The following FOXP1 variants were observed in gnomAD, a reference collection of about 807,000 sequenced individuals.
The protein encoded by FOXP1 is forkhead box P1.
A neutral mutation model predicts 98.2 loss-of-function variants in FOXP1; 15 were observed. The ratio of observed to expected loss-of-function variants is 0.15; its 90% CI spans 0.10 to 0.24. FOXP1 has a LOEUF of 0.24. Among genes scored for constraint, FOXP1 ranks in the 10% least tolerant of loss-of-function variants. The probability of loss-of-function intolerance (pLI) is 1.00; values close to 1 mark genes in which losing one functional copy is unlikely to be tolerated. For missense variants in FOXP1, 633 were observed against 848.5 expected (o/e 0.75, Z 3.15); for synonymous variants, 371 against 314.5 (o/e 1.18, Z -1.90).
chr3:71,314,363 A>G (rs561065621), intron 4 of FOXP1, among the ~76,000 whole-genome samples: 1 of 152,064 alleles, frequency 6.6e-6, no homozygotes, highest in East Asian at 1.9e-4. Context: ...ACCCATCTCT[A>G]CTAAAAGTAC....
chr3:71,140,103 T>A (rs2059996993), intron 6 of FOXP1, among the ~76,000 whole-genome samples: 1 of 152,210 alleles, frequency 6.6e-6, no homozygotes, highest in African/African-American at 2.4e-5. Flanking sequence ...TACTGTAACT[T>A]TTTTTAAGGT....
At chr3:71,583,477 T>G (rs1184639878) in intron 1 of FOXP1, 94 bp downstream of exon 1, 18 of 982,994 alleles carry the variant, frequency 1.8e-5, no homozygotes, top group African/African-American at 3.5e-5. Flanking sequence ...TTTTTTTTTT[T>G]TGTGCTGGTT....
At chr3:71,177,840 C>CT (rs397704711) in intron 6 of FOXP1, among the ~76,000 whole-genome samples, 1,947 of 114,868 alleles carry the variant, frequency 0.017, 82 homozygotes, top group East Asian at 0.11. Flanking sequence ...TTCTTTCTTT[C>CT]TTTTTTTTTT....
chr3:71,291,567 T>C, intron 5 of FOXP1, among the ~76,000 whole-genome samples: 1 of 152,162 alleles, frequency 6.6e-6, no homozygotes, highest in East Asian at 1.9e-4. Context: ...GATGAGGGAA[T>C]AAATCCAACC....
intron 3 of FOXP1, among the ~76,000 whole-genome samples, chr3:71,371,512 G>A (rs958611771): frequency 1.3e-5 from 2 of 152,226 alleles, no homozygotes; most frequent in African/African-American, 2.4e-5. Context: ...CAGGCTGGGT[G>A]CAGTGACTCA....
intron 11 of FOXP1, among the ~76,000 whole-genome samples, chr3:71,019,843 A>G (rs1054093719): frequency 8.3e-6 from 1 of 120,412 alleles, no homozygotes; most frequent in African/African-American, 4.2e-5. Context: ...TCCCCCCCCC[A>G]AAAAAAACAA....
intron 4 of FOXP1, among the ~76,000 whole-genome samples, chr3:71,329,234 T>A (rs1422050191): frequency 6.6e-6 from 1 of 151,698 alleles, no homozygotes; most frequent in Non-Finnish European, 1.5e-5. Context: ...TCTTTTTCTT[T>A]TTTTTGAGAG....
chr3:71,500,808 G>GT (rs2041280050), intron 2 of FOXP1, among the ~76,000 whole-genome samples: 1 of 152,084 alleles, frequency 6.6e-6, no homozygotes, highest in Non-Finnish European at 1.5e-5. Flanking sequence ...TTCCTCCACC[G>GT]TGATTCCAAG....
chr3:71,505,262 G>A (rs530628234), intron 2 of FOXP1, among the ~76,000 whole-genome samples: 1 of 151,994 alleles, frequency 6.6e-6, no homozygotes, highest in African/African-American at 2.4e-5. Context: ...AGGCAAACCC[G>A]GGAAGCAGAA....
At chr3:71,063,269 G>C (rs2051801764) in intron 7 of FOXP1, among the ~76,000 whole-genome samples, 1 of 152,192 alleles carries the variant, frequency 6.6e-6, no homozygotes, top group Non-Finnish European at 1.5e-5. Flanking sequence ...TTATGCAAAG[G>C]GCATCAATTA....
chr3:71,331,602 G>C (rs2076315829), intron 4 of FOXP1, among the ~76,000 whole-genome samples: 1 of 152,256 alleles, frequency 6.6e-6, no homozygotes, highest in Non-Finnish European at 1.5e-5. Flanking sequence ...GTCTAGCTAA[G>C]GGATTGTAAA....
intron 3 of FOXP1, among the ~76,000 whole-genome samples, chr3:71,417,565 A>AT (rs11392571): frequency 0.98 from 148,437 of 151,686 alleles, 72,706 homozygotes; most frequent in Non-Finnish European, 1. Flanking sequence ...GCTTCTTGTG[A>AT]TTTTTTTTTC....
At chr3:71,277,110 C>T (rs2070991762) in intron 5 of FOXP1, among the ~76,000 whole-genome samples, 1 of 151,948 alleles carries the variant, frequency 6.6e-6, no homozygotes, top group Admixed American at 6.6e-5. Context: ...AGGCGCCCGC[C>T]ACCACGCCCA....
At chr3:71,030,380 G>C (rs780873589) in intron 11 of FOXP1, among the ~76,000 whole-genome samples, 1 of 152,168 alleles carries the variant, frequency 6.6e-6, no homozygotes, top group Non-Finnish European at 1.5e-5. Flanking sequence ...ATTCACGTTT[G>C]TTCCAGGGCC....
intron 5 of FOXP1, among the ~76,000 whole-genome samples, chr3:71,251,517 T>C (rs1038764149): frequency 1.3e-5 from 2 of 152,188 alleles, no homozygotes; most frequent in African/African-American, 4.8e-5. Context: ...TCTTTCGCAA[T>C]GGGCAAATAC....
intron 2 of FOXP1, among the ~76,000 whole-genome samples, chr3:71,534,332 C>T (rs1348304287): frequency 6.6e-6 from 1 of 152,016 alleles, no homozygotes; most frequent in African/African-American, 2.4e-5. Context: ...CCATTGCACT[C>T]CAGCCTAGGC....
chr3:71,361,241 T>A (rs2078544429), intron 3 of FOXP1, among the ~76,000 whole-genome samples: 1 of 152,222 alleles, frequency 6.6e-6, no homozygotes, highest in African/African-American at 2.4e-5. Context: ...ACCATTGTCA[T>A]CGACTTATCA....
chr3:71,573,747 T>C (rs752252737), intron 2 of FOXP1: 2 of 152,118 alleles, frequency 1.3e-5, no homozygotes, highest in African/African-American at 2.4e-5. Context: ...ATAGATGTTA[T>C]CTGAAGATGC....
At chr3:70,995,814 C>T (rs565970881) in intron 13 of FOXP1, among the ~76,000 whole-genome samples, 1 of 152,166 alleles carries the variant, frequency 6.6e-6, no homozygotes, top group Admixed American at 6.5e-5. Context: ...ATTAACCAAC[C>T]CTTCCCTGTT....
Sources: allele counts gnomAD v4.1 joint callset (sites outside exome capture counted in the v4.1 genomes callset), GRCh38; gene constraint gnomAD v4.1.1; transcripts MANE v1.5; gene names NCBI Gene and HGNC (gene_info 2026-07-23, HGNC 2026-07-21).